ABCA9: variants seen among roughly 807,000 people sequenced by gnomAD.
ABCA9 encodes the protein ATP binding cassette subfamily A member 9, also known as ATP-binding cassette sub-family A member 9.
ABCA9 carries 183 observed loss-of-function variants against 205.3 expected under a neutral mutation model. That is an observed-to-expected ratio of 0.89 (90% CI 0.79 to 1.01). ABCA9 has a LOEUF of 1.01. ABCA9 is among the 50% of genes least tolerant of loss of function. The pLI is 0.00. For synonymous variants in ABCA9, 651 were observed against 683.3 expected, an observed-to-expected ratio of 0.95 and a Z score of 0.74; for missense variants, 1,805 against 1,912.4, an observed-to-expected ratio of 0.94 and a Z score of 1.05.
At chr17:69,031,443 T>C (rs762507300) in intron 10 of ABCA9, among the ~76,000 whole-genome samples, 3 of 152,200 alleles carry the variant, frequency 2.0e-5, no homozygotes, top group African/African-American at 2.4e-5. Context: ...CTGAAAGAGA[T>C]ATATCAGAAA....
intron 25 of ABCA9, among the ~76,000 whole-genome samples, chr17:69,003,184 C>T (rs371858057): frequency 6.6e-5 from 10 of 151,222 alleles, no homozygotes; most frequent in South Asian, 2.1e-4. Context: ...TTATTTTGCT[C>T]GTTAGTTGAT....
intron 37 of ABCA9, among the ~76,000 whole-genome samples, chr17:68,981,952 A>C (rs932930391): frequency 6.6e-6 from 1 of 151,926 alleles, no homozygotes; most frequent in Non-Finnish European, 1.5e-5. Context: ...CTAACTCATC[A>C]GATTTCATAC....
Position 69,029,169 on chromosome 17 carries a change from C to T in ABCA9, c.1504G>A (p.Gly502Ser), listed in dbSNP as rs758803177. 3.9e-6 allele frequency: 6 copies of T among 1,532,072 alleles called. No homozygotes were observed. The Admixed American group carries it at 1.2e-4, about 29-fold the overall frequency. The allele number at this position is 1,532,072 out of a possible 1,614,324, so 94.9% of individuals were successfully genotyped here. A position where few individuals can be genotyped will look rare whatever the true frequency, so the allele number is the denominator to read the frequency against. Reference sequence around the variant, plus strand: ...ATTAAATAAAATATTATTTTATTACCTTTCAAAGCTTCTACTCTCTCACAC... The same window carrying T: ...ATTAAATAAAATATTATTTTATTACTTTTCAAAGCTTCTACTCTCTCACAC... ...GKCERVEALKGVVFDIYEGQI... is the reference protein window; with the variant it reads ...GKCERVEALKSVVFDIYEGQI... The change falls in exon 11 of 39, where the codon GGT (glycine) becomes AGT (serine). Residue 502 changes from glycine (G) to serine (S), a missense_variant and splice_region_variant. By Grantham distance (56) the Gly-to-Ser change is moderately conservative. Transcript: ENST00000340001.
chr17:69,044,341 C>T (rs772785434), intron 5 of ABCA9, among the ~76,000 whole-genome samples, 156 bp downstream of exon 5: 1 of 152,028 alleles, frequency 6.6e-6, no homozygotes, highest in African/African-American at 2.4e-5. Context: ...TTTTCTGATC[C>T]CCAGTACTTA....
At chr17:69,037,237 TC>T (rs552301669) in intron 6 of ABCA9, among the ~76,000 whole-genome samples, 33 of 152,256 alleles carry the variant, frequency 2.2e-4, no homozygotes, top group African/African-American at 7.9e-4. Flanking sequence ...TACAGAACTC[TC>T]CACCCAAAAT....
At chr17:69,024,041 G>A (rs1279039361) in intron 17 of ABCA9, among the ~76,000 whole-genome samples, 173 bp downstream of exon 17, 1 of 152,132 alleles carries the variant, frequency 6.6e-6, no homozygotes, top group Non-Finnish European at 1.5e-5. Flanking sequence ...AGTAGCATAT[G>A]GATAATACTA....
chr17:68,976,643 G>A (rs549741620), intron 37 of ABCA9, among the ~76,000 whole-genome samples: 1 of 152,332 alleles, frequency 6.6e-6, no homozygotes, highest in South Asian at 2.1e-4. Context: ...GACACCAAGT[G>A]TGTGCCTTGT....
At chr17:69,054,596 A>G (rs1288185377) in intron 1 of ABCA9, among the ~76,000 whole-genome samples, 12 of 151,852 alleles carry the variant, frequency 7.9e-5, no homozygotes, top group Non-Finnish European at 1.5e-4. Flanking sequence ...GAAAGAAAGA[A>G]TAAGTGAAGG....
At chr17:69,001,180 G>A (rs2069852482) in intron 25 of ABCA9, among the ~76,000 whole-genome samples, 1 of 151,554 alleles carries the variant, frequency 6.6e-6, no homozygotes, top group Non-Finnish European at 1.5e-5. Context: ...GTGAGAGAGG[G>A]CATCCCTGTC....
At chr17:68,990,172 A>G (rs1249849197) in intron 29 of ABCA9, among the ~76,000 whole-genome samples, 1 of 152,236 alleles carries the variant, frequency 6.6e-6, no homozygotes, top group Non-Finnish European at 1.5e-5. Context: ...CTGAACCAAC[A>G]GATTTGATAA....
chr17:69,046,750 T>C (rs993136014), intron 3 of ABCA9, among the ~76,000 whole-genome samples: 4 of 151,116 alleles, frequency 2.6e-5, no homozygotes, highest in African/African-American at 9.7e-5. Flanking sequence ...TTCAATTTCT[T>C]TTTGGATTTT....
chr17:69,046,135 C>T (rs1448098818), intron 3 of ABCA9, among the ~76,000 whole-genome samples: 5 of 152,166 alleles, frequency 3.3e-5, no homozygotes, highest in African/African-American at 1.2e-4. Flanking sequence ...TTATAGTACA[C>T]ATCTTCATTT....
chr17:68,992,870 C>A (rs1598342233), intron 27 of ABCA9, 146 bp downstream of exon 27: 1 of 579,714 alleles, frequency 1.7e-6, no homozygotes, highest in East Asian at 3.1e-5. Context: ...TGTGTGTGTG[C>A]ACGCATGCAT....
chr17:69,067,390 A>G, the ABCA9 span, among the ~76,000 whole-genome samples: 1 of 151,942 alleles, frequency 6.6e-6, no homozygotes, highest in East Asian at 1.9e-4. Flanking sequence ...TACAAAAAAT[A>G]CCAAAAAATC....
In ABCA9 at chr17:68,990,830, G is replaced by A. The variant is rs371164505; in HGVS notation, c.3837+7C>T. The A allele has an allele frequency of 3.2e-5, 51 of 1,608,930 alleles. No homozygotes were observed. In the African/African-American group the frequency reaches 5.6e-4, roughly 18 times the overall value. On this transcript the variant is annotated splice_region_variant and intron_variant, in intron 29 of 38. Coordinates refer to ENST00000340001, the MANE Select transcript of ABCA9 (RefSeq NM_080283.4). ...AATAGTTGACGAAGAACATTTCTGA[G>A]TTCTACCTCATCAAAGTCTCGCACA...
chr17:69,031,135 C>T (rs1207364198), intron 10 of ABCA9, among the ~76,000 whole-genome samples: 1 of 152,174 alleles, frequency 6.6e-6, no homozygotes, highest in Non-Finnish European at 1.5e-5. Flanking sequence ...TAAGACTAGT[C>T]TTATTACCCA....
intron 12 of ABCA9, 73 bp downstream of exon 12, chr17:69,028,462 G>T: frequency 2.8e-6 from 3 of 1,087,924 alleles, no homozygotes; most frequent in Non-Finnish European, 4.0e-6. Flanking sequence ...ACCGTGCCCA[G>T]CCCCAGTTAA....
the ABCA9 span, among the ~76,000 whole-genome samples, chr17:69,070,670 T>C: frequency 6.6e-6 from 1 of 152,196 alleles, no homozygotes; most frequent in African/African-American, 2.4e-5. Flanking sequence ...GATGGCCATT[T>C]GGGCAGACAC....
In ABCA9 at chr17:69,017,758, C is replaced by A. The variant is rs754547969; in HGVS notation, c.2799G>T (p.Leu933=). 2 of 1,613,202 alleles carry A rather than the reference C, an allele frequency of 1.2e-6. No individual in the cohort carries two copies. The highest frequency in any genetic ancestry group is 1.7e-6 in the Non-Finnish European group (2 of 1,179,382). Residue 933 remains leucine (L), a synonymous_variant, in exon 21 of 39, where the codon CTG becomes CTT. Coordinates refer to ENST00000340001, the MANE Select transcript of ABCA9 (RefSeq NM_080283.4). Reference sequence around the variant, plus strand: ...CTTCTATAGCTATGTTCTGTCGCCTCAGTGAATGTAAAAAGTTATCAATGG... The same window carrying A: ...CTTCTATAGCTATGTTCTGTCGCCTAAGTGAATGTAAAAAGTTATCAATGG... ...GSTIDNFLHS[L]RRQNIAIEVD... is the part of the protein sequence containing the mutation.
Sources: allele counts gnomAD v4.1 joint callset (sites outside exome capture counted in the v4.1 genomes callset), GRCh38; gene constraint gnomAD v4.1.1; transcripts MANE v1.5; gene names NCBI Gene and HGNC (gene_info 2026-07-23, HGNC 2026-07-21).